Variants in SSPN observed in about 807,000 individuals in gnomAD.
SSPN encodes the protein sarcospan.
A neutral mutation model predicts 19.1 loss-of-function variants in SSPN; 15 were observed. That is an observed-to-expected ratio of 0.78 (90% confidence interval 0.52 to 1.21). The LOEUF (loss-of-function observed/expected upper bound fraction) is 1.21. Ranked by LOEUF, SSPN falls within the 50% of genes most tolerant of loss-of-function variation. The probability of loss-of-function intolerance (pLI) is 0.00; values close to 1 mark genes in which losing one functional copy is unlikely to be tolerated. For synonymous variants in SSPN, 147 were observed against 140.3 expected, an observed-to-expected ratio of 1.05 and a Z score of -0.34; for missense variants, 291 against 314.0, an observed-to-expected ratio of 0.93 and a Z score of 0.55.
intron 1 of SSPN, among the ~76,000 whole-genome samples, chr12:26,168,058 A>G (rs1453084533): frequency 6.6e-6 from 1 of 151,998 alleles, no homozygotes; most frequent in African/African-American, 2.4e-5. Context: ...TACAAAAAAT[A>G]CAAAATTAGC....
intron 2 of SSPN, among the ~76,000 whole-genome samples, chr12:26,226,950 G>A (rs1221329726): frequency 6.6e-6 from 1 of 152,090 alleles, no homozygotes; most frequent in Non-Finnish European, 1.5e-5. Context: ...CGAGCGAGCG[G>A]AGACGCGCCC....
intron 1 of SSPN, among the ~76,000 whole-genome samples, chr12:26,200,791 A>G (rs1944870015): frequency 1.3e-5 from 2 of 151,798 alleles, no homozygotes; most frequent in African/African-American, 4.8e-5. Flanking sequence ...CCAAAATATA[A>G]TGTCGCATCC....
intron 1 of SSPN, among the ~76,000 whole-genome samples, chr12:26,131,872 A>G (rs1312531645): frequency 2.6e-5 from 4 of 152,222 alleles, no homozygotes; most frequent in Non-Finnish European, 4.4e-5. Flanking sequence ...GTTGTCATGT[A>G]GTAATGGCAA....
chr12:26,225,735 G>T (rs1051687105), intron 2 of SSPN, among the ~76,000 whole-genome samples: 3 of 107,786 alleles, frequency 2.8e-5, no homozygotes, highest in Non-Finnish European at 5.4e-5. Flanking sequence ...AAACAGCAAG[G>T]CTTGGTGATT....
chr12:26,207,858 G>A (rs947403972), intron 1 of SSPN, among the ~76,000 whole-genome samples: 1 of 151,986 alleles, frequency 6.6e-6, no homozygotes, highest in Non-Finnish European at 1.5e-5. Context: ...AAATTAGCTG[G>A]GTGTGGTGGC....
intron 1 of SSPN, among the ~76,000 whole-genome samples, chr12:26,189,907 A>G (rs950816180): frequency 2.0e-5 from 3 of 152,214 alleles, no homozygotes; most frequent in Admixed American, 6.5e-5. Context: ...AGATGTGGAT[A>G]GGTATTTGCA....
chr12:26,166,918 T>A (rs549726812), intron 1 of SSPN, among the ~76,000 whole-genome samples: 13 of 152,396 alleles, frequency 8.5e-5, no homozygotes, highest in Admixed American at 7.8e-4. Context: ...TAGTGTTATC[T>A]ATTATGGAAG....
At chr12:26,143,440 T>C (rs574977813) in intron 1 of SSPN, among the ~76,000 whole-genome samples, 1 of 152,270 alleles carries the variant, frequency 6.6e-6, no homozygotes, top group Non-Finnish European at 1.5e-5. Context: ...GATAGGAATC[T>C]CAGAGAGGCT....
chr12:26,197,721 G>A (rs1247403342), intron 1 of SSPN, among the ~76,000 whole-genome samples: 1 of 152,164 alleles, frequency 6.6e-6, no homozygotes, highest in Non-Finnish European at 1.5e-5. Context: ...AGCTCCCTGG[G>A]TGTTGCACAA....
At chr12:26,126,042 A>T (rs1944361553) in intron 1 of SSPN, 1 of 151,550 alleles carries the variant, frequency 6.6e-6, no homozygotes, top group African/African-American at 2.4e-5. Context: ...AACGGGTACC[A>T]GCACAGGGCC....
intron 1 of SSPN, among the ~76,000 whole-genome samples, chr12:26,170,957 G>A (rs1416796284): frequency 6.6e-6 from 1 of 152,172 alleles, no homozygotes. Context: ...TACAAATAGG[G>A]ATTGTTTTAA....
chr12:26,173,271 C>T (rs1944664178), intron 1 of SSPN, among the ~76,000 whole-genome samples: 1 of 152,086 alleles, frequency 6.6e-6, no homozygotes, highest in Admixed American at 6.5e-5. Context: ...GTCAGGGTGG[C>T]CTGTAAGGGT....
intron 2 of SSPN, 41 bp downstream of exon 2, chr12:26,224,420 A>C: frequency 2.7e-6 from 4 of 1,472,590 alleles, no homozygotes; most frequent in Middle Eastern, 1.7e-4. Context: ...ATCACATAGA[A>C]AGAAATCCAA....
chr12:26,222,552 G>A lies in SSPN; in HGVS notation c.280-1741G>A, dbSNP rs968978707. 1.8e-4 allele frequency among the ~76,000 whole-genome samples: 28 copies of A among 152,184 alleles called. 1 individual carries two copies. The South Asian group carries it at 2.1e-3, about 11-fold the overall frequency. On this transcript the variant is annotated intron_variant, in intron 1 of 2. Coordinates refer to ENST00000242729, the MANE Select transcript of SSPN (RefSeq NM_005086.5). ...AACCAGTTGTTTAATGACTTGCTAG[G>A]TGACTCTCAGCTGCTCTTTCAACTT...
chr12:26,171,453 A>C (rs1944653006), intron 1 of SSPN, among the ~76,000 whole-genome samples: 1 of 152,200 alleles, frequency 6.6e-6, no homozygotes, highest in African/African-American at 2.4e-5. Flanking sequence ...TGTATTCTTA[A>C]TAATACTAAA....
At position 26,147,278 on chromosome 12, in the gene SSPN, G is replaced by GTTT. The variant is rs375676175; in HGVS notation, c.-31+25136_-31+25138dup. Among the ~76,000 whole-genome samples the GTTT allele has an allele frequency of 3.4e-3, 500 of 146,862 alleles. 1 individual carries two copies. Among genetic ancestry groups the GTTT allele is most frequent in the Middle Eastern group, 0.014 (4 of 278 alleles). On this transcript the variant is annotated intron_variant, in intron 1 of 2. Coordinates refer to the SSPN transcript ENST00000538142. ...CGATAATTTTTGGGGTTTTTTTTGT[G>GTTT]TTTTTTTTTTTTGAGACAGAGTCTT...
At chr12:26,174,472 C>T (rs1257277255) in intron 1 of SSPN, among the ~76,000 whole-genome samples, 2 of 146,936 alleles carry the variant, frequency 1.4e-5, no homozygotes. Context: ...TCCTGCTACC[C>T]ACGCTTCCTT....
At chr12:26,184,839 A>G (rs1040376655) in intron 1 of SSPN, among the ~76,000 whole-genome samples, 1 of 152,220 alleles carries the variant, frequency 6.6e-6, no homozygotes, top group Non-Finnish European at 1.5e-5. Flanking sequence ...ATAATGTAAT[A>G]TGCTCATGAG....
At chr12:26,188,013 A>G (rs1944764858) in intron 1 of SSPN, among the ~76,000 whole-genome samples, 1 of 152,244 alleles carries the variant, frequency 6.6e-6, no homozygotes, top group South Asian at 2.1e-4. Context: ...ACTGGCTAAC[A>G]GTGACTGATT....
Sources: gnomAD v4.1 joint callset for allele counts (sites outside exome capture counted in the v4.1 genomes callset) on GRCh38, gnomAD v4.1.1 for gene constraint, MANE v1.5 for transcripts, NCBI Gene and HGNC (gene_info 2026-07-23, HGNC 2026-07-21) for gene names.